Variants in NEGR1 observed in about 807,000 individuals in gnomAD.
The protein encoded by NEGR1 is neuronal growth regulator 1.
NEGR1 carries 10 observed loss-of-function variants against 40.9 expected under a neutral mutation model. The observed-to-expected ratio is 0.24, with a 90% CI of 0.15 to 0.42. The LOEUF (loss-of-function observed/expected upper bound fraction) is 0.42, where lower values mean the gene tolerates loss of function less well. Among genes scored for constraint, NEGR1 ranks in the 10% least tolerant of loss-of-function variants. The pLI, the probability that NEGR1 is intolerant of heterozygous loss-of-function variation, is 1.00. For missense variants in NEGR1, 352 were observed against 438.9 expected (o/e 0.80, Z 1.77); for synonymous variants, 185 against 166.8 (o/e 1.11, Z -0.84).
chr1:71,879,164 T>G (rs1391075556), intron 2 of NEGR1, among the ~76,000 whole-genome samples: 1 of 150,832 alleles, frequency 6.6e-6, no homozygotes, highest in African/African-American at 2.4e-5. Flanking sequence ...ACAAGGATAA[T>G]GCATGAAAAC....
intron 4 of NEGR1, among the ~76,000 whole-genome samples, chr1:71,652,646 G>A (rs933319097): frequency 1.3e-5 from 2 of 151,994 alleles, no homozygotes; most frequent in Admixed American, 6.6e-5. Context: ...CCGGTGGATC[G>A]CTTGAGCCCA....
At chr1:72,064,370 T>C (rs1420273674) in intron 1 of NEGR1, among the ~76,000 whole-genome samples, 3 of 152,078 alleles carry the variant, frequency 2.0e-5, no homozygotes, top group Non-Finnish European at 4.4e-5. Context: ...GTAGAGGAGC[T>C]GAGGATCCTT....
chr1:72,004,139 T>A (rs1646581734), intron 1 of NEGR1, among the ~76,000 whole-genome samples: 1 of 152,026 alleles, frequency 6.6e-6, no homozygotes, highest in Non-Finnish European at 1.5e-5. Context: ...TTCTCTTCCC[T>A]TTGTCCAATT....
At chr1:71,621,742 T>G (rs1650615129) in intron 4 of NEGR1, among the ~76,000 whole-genome samples, 1 of 151,952 alleles carries the variant, frequency 6.6e-6, no homozygotes, top group African/African-American at 2.4e-5. Context: ...TTGAAACTAT[T>G]AACCTAAGAG....
chr1:71,677,671 C>T (rs543596066), intron 4 of NEGR1, among the ~76,000 whole-genome samples: 4 of 152,242 alleles, frequency 2.6e-5, no homozygotes, highest in Admixed American at 6.5e-5. Context: ...GCCTGTTTCA[C>T]GGAGCATGTG....
chr1:71,716,122 G>A (rs1258274515), intron 3 of NEGR1, among the ~76,000 whole-genome samples: 1 of 152,116 alleles, frequency 6.6e-6, no homozygotes, highest in East Asian at 1.9e-4. Flanking sequence ...AGGGCAGCAG[G>A]AGAAAGAATA....
At chr1:72,014,143 T>C (rs1646687245) in intron 1 of NEGR1, among the ~76,000 whole-genome samples, 1 of 151,864 alleles carries the variant, frequency 6.6e-6, no homozygotes, top group Non-Finnish European at 1.5e-5. Flanking sequence ...TTCTTTATCA[T>C]ATAAGTTCTC....
chr1:71,523,489 C>T (rs1391072420), intron 6 of NEGR1, among the ~76,000 whole-genome samples: 3 of 151,790 alleles, frequency 2.0e-5, no homozygotes, highest in African/African-American at 7.3e-5. Context: ...ATGAATATTA[C>T]CACCTTCAAA....
At chr1:71,828,185 T>A (rs1658710011) in intron 2 of NEGR1, among the ~76,000 whole-genome samples, 1 of 151,988 alleles carries the variant, frequency 6.6e-6, no homozygotes. Context: ...ATTGTAATTC[T>A]TTACCTCTCT....
At position 71,995,613 on chromosome 1, in the gene NEGR1, A is replaced by G. The variant is rs534928943; in HGVS notation, c.177-60302T>C. Among the ~76,000 whole-genome samples, 25 of 152,310 alleles carry G rather than the reference A, an allele frequency of 1.6e-4. No individual in the cohort carries two copies. The South Asian group carries it at 2.3e-3, about 14-fold the overall frequency. ...TTCCGAAGTATCACTACAATAATTT[A>G]AATACATCTCAATTCACTTTCATTA... On this transcript the variant is annotated intron_variant, in intron 1 of 6. Transcript: ENST00000357731.
In NEGR1 at chr1:72,172,182, C is replaced by T. The variant is rs938791074; in HGVS notation, c.176+110137G>A. 5.3e-5 allele frequency among the ~76,000 whole-genome samples: 8 copies of T among 152,162 alleles called. No individual in the cohort carries two copies. The East Asian group carries it at 1.5e-3, about 29-fold the overall frequency. Reference sequence around the variant, plus strand: ...TTTTTTAATAAAACCAATATGATTGCTTTTTCAATAAAAGAGCCCGAAATA... The same window carrying T: ...TTTTTTAATAAAACCAATATGATTGTTTTTTCAATAAAAGAGCCCGAAATA... On this transcript the variant is annotated intron_variant, in intron 1 of 6. Coordinates refer to ENST00000357731, the MANE Select transcript of NEGR1 (RefSeq NM_173808.3).
rs552547867 is a variant in NEGR1 at position 71,954,301 on chromosome 1, G to T, written c.177-18990C>A. ...GGATGAAAAGTTCCATAATTCGCTTGGAGGTAAATGATAGATGATTTTAGA... is the reference window on the plus strand; with the variant it reads ...GGATGAAAAGTTCCATAATTCGCTTTGAGGTAAATGATAGATGATTTTAGA... On this transcript the variant is annotated intron_variant, in intron 1 of 6. Transcript: ENST00000357731. 3.9e-5 allele frequency among the ~76,000 whole-genome samples: 6 copies of T among 151,972 alleles called. No individual in the cohort carries two copies. In the South Asian group the frequency reaches 1.2e-3, roughly 32 times the overall value.
intron 5 of NEGR1, among the ~76,000 whole-genome samples, chr1:71,593,592 A>G (rs1363491213): frequency 1.3e-5 from 2 of 152,162 alleles, no homozygotes; most frequent in African/African-American, 2.4e-5. Flanking sequence ...TGTGCCATGG[A>G]AAGACTTTAA....
At chr1:71,622,090 C>T (rs1027968351) in intron 4 of NEGR1, among the ~76,000 whole-genome samples, 2 of 151,948 alleles carry the variant, frequency 1.3e-5, no homozygotes, top group African/African-American at 4.8e-5. Flanking sequence ...GCAATGCTCA[C>T]TCCAGTGATG....
At chr1:71,927,638 G>A (rs1460906955) in intron 2 of NEGR1, among the ~76,000 whole-genome samples, 3 of 151,442 alleles carry the variant, frequency 2.0e-5, no homozygotes, top group Admixed American at 6.6e-5. Flanking sequence ...GCTTCATATA[G>A]TTCAACAGAT....
intron 6 of NEGR1, among the ~76,000 whole-genome samples, chr1:71,543,238 C>G (rs920769522): frequency 6.6e-6 from 1 of 151,618 alleles, no homozygotes; most frequent in African/African-American, 2.4e-5. Flanking sequence ...ATTCTTACAT[C>G]ATGTGCTTGT....
intron 4 of NEGR1, among the ~76,000 whole-genome samples, chr1:71,654,331 T>A (rs1651810076): frequency 6.6e-6 from 1 of 152,158 alleles, no homozygotes; most frequent in South Asian, 2.1e-4. Context: ...GTGAACCTAA[T>A]ACTTGATTAA....
chr1:71,757,757 T>C (rs1655791840), intron 3 of NEGR1, among the ~76,000 whole-genome samples: 1 of 152,112 alleles, frequency 6.6e-6, no homozygotes, highest in Admixed American at 6.5e-5. Flanking sequence ...CCTCTTATAC[T>C]GTTTATATAG....
chr1:71,579,445 G>A (rs1570058243), intron 6 of NEGR1, among the ~76,000 whole-genome samples: 1 of 152,120 alleles, frequency 6.6e-6, no homozygotes, highest in East Asian at 1.9e-4. Flanking sequence ...AAATGCTGAA[G>A]TTTTAAGATT....
Sources: gnomAD v4.1 joint callset for allele counts (sites outside exome capture counted in the v4.1 genomes callset) on GRCh38, gnomAD v4.1.1 for gene constraint, MANE v1.5 for transcripts, NCBI Gene and HGNC (gene_info 2026-07-23, HGNC 2026-07-21) for gene names.